SLC9A9: variants seen among roughly 807,000 people sequenced by gnomAD.
SLC9A9 encodes solute carrier family 9 member A9, also known as sodium/hydrogen exchanger 9.
In SLC9A9, 62 loss-of-function variants were observed where a neutral mutation model predicts 77.8. The ratio of observed to expected loss-of-function variants is 0.80; its 90% CI spans 0.65 to 0.98. SLC9A9 has a LOEUF of 0.98. Among genes scored for constraint, SLC9A9 ranks in the 50% least tolerant of loss-of-function variants. The probability of loss-of-function intolerance (pLI) is 0.00; values close to 1 mark genes in which losing one functional copy is unlikely to be tolerated. For missense variants in SLC9A9, 775 were observed against 774.9 expected (o/e 1.00, Z 0.00); for synonymous variants, 320 against 283.5 (o/e 1.13, Z -1.29).
chr3:143,663,562 AC>A (rs760038667), intron 5 of SLC9A9, among the ~76,000 whole-genome samples: 12 of 152,148 alleles, frequency 7.9e-5, no homozygotes, highest in Non-Finnish European at 1.8e-4. Flanking sequence ...GAAGTTAAAA[AC>A]CTTGAAAAAA....
intron 9 of SLC9A9, among the ~76,000 whole-genome samples, chr3:143,532,864 T>C (rs2036534173): frequency 6.6e-6 from 1 of 152,226 alleles, no homozygotes; most frequent in Admixed American, 6.5e-5. Flanking sequence ...CTGCCTGCAA[T>C]GCTCTCATTC....
chr3:143,725,658 T>C (rs1438819090), intron 4 of SLC9A9, among the ~76,000 whole-genome samples: 1 of 136,006 alleles, frequency 7.4e-6, no homozygotes, highest in South Asian at 2.6e-4. Flanking sequence ...ACACCGCATG[T>C]TCTCACTCAT....
intron 5 of SLC9A9, among the ~76,000 whole-genome samples, chr3:143,682,295 C>G (rs896776743): frequency 2.6e-5 from 4 of 152,132 alleles, no homozygotes; most frequent in Non-Finnish European, 4.4e-5. Context: ...TTTGAAATGA[C>G]TCTCCTAGGG....
chr3:143,279,412 CAG>C (rs1938150275), intron 14 of SLC9A9, among the ~76,000 whole-genome samples: 1 of 152,168 alleles, frequency 6.6e-6, no homozygotes, highest in Admixed American at 6.5e-5. Context: ...TGTTGGGCAT[CAG>C]ATTTTTAAAT....
At chr3:143,346,600 C>A (rs2032282023) in intron 14 of SLC9A9, among the ~76,000 whole-genome samples, 1 of 152,032 alleles carries the variant, frequency 6.6e-6, no homozygotes. Flanking sequence ...CCAGCTTGGC[C>A]AACATGGTGA....
intron 2 of SLC9A9, among the ~76,000 whole-genome samples, chr3:143,826,270 A>C (rs535492203): frequency 4.3e-4 from 66 of 151,826 alleles, no homozygotes; most frequent in Non-Finnish European, 7.9e-4. Flanking sequence ...AAAAAAAAAA[A>C]AAACCACCAT....
intron 13 of SLC9A9, among the ~76,000 whole-genome samples, chr3:143,370,031 G>A (rs1465135651): frequency 1.3e-5 from 2 of 152,186 alleles, no homozygotes; most frequent in Non-Finnish European, 2.9e-5. Flanking sequence ...CATCTTGACT[G>A]CAACCTCATG....
chr3:143,446,901 T>TGCACACATGTGTGCAC (rs2034856656), intron 12 of SLC9A9, among the ~76,000 whole-genome samples: 1 of 151,572 alleles, frequency 6.6e-6, no homozygotes, highest in Non-Finnish European at 1.5e-5. Flanking sequence ...TGTGTGTGCA[T>TGCACACATGTGTGCAC]GCACACATGT....
rs1233692177 is a variant in SLC9A9 at position 143,848,148 on chromosome 3, C to T, written c.175G>A (p.Gly59Ser). 1 of 1,613,164 alleles carries T rather than the reference C, an allele frequency of 6.2e-7. No homozygotes were observed. Among genetic ancestry groups the T allele is most frequent in the Non-Finnish European group, 8.5e-7 (1 of 1,179,286 alleles). Residue 59 changes from glycine (G) to serine (S), a missense_variant and splice_region_variant, in exon 1 of 16, where the codon GGC (glycine) becomes AGC (serine). Coordinates refer to ENST00000316549, the MANE Select transcript of SLC9A9 (RefSeq NM_173653.4). ...TCAATCTCACAATTTATGCACTCAC[C>T]ATACACCATTGCTCCTCCAGTTTCA... ...LHETGGAMVY[G>S]LIMGLILRYA...
intron 14 of SLC9A9, among the ~76,000 whole-genome samples, chr3:143,340,686 T>C (rs1365292579): frequency 6.6e-6 from 1 of 152,150 alleles, no homozygotes; most frequent in Non-Finnish European, 1.5e-5. Flanking sequence ...TCATATTGAG[T>C]TTTTGCCCTT....
chr3:143,525,215 A>G (rs1201299521), intron 9 of SLC9A9, among the ~76,000 whole-genome samples: 1 of 152,194 alleles, frequency 6.6e-6, no homozygotes, highest in Admixed American at 6.5e-5. Flanking sequence ...CTTATGTTAA[A>G]TGTTATTTCT....
intron 12 of SLC9A9, among the ~76,000 whole-genome samples, chr3:143,444,194 C>G (rs949172788): frequency 2.6e-5 from 4 of 152,212 alleles, no homozygotes; most frequent in Non-Finnish European, 5.9e-5. Flanking sequence ...GGAAATGAAG[C>G]TCAACACCCC....
chr3:143,322,729 G>C (rs939788265), intron 14 of SLC9A9, among the ~76,000 whole-genome samples: 2 of 152,166 alleles, frequency 1.3e-5, no homozygotes, highest in African/African-American at 4.8e-5. Flanking sequence ...GTATTAACTA[G>C]TATAACATAG....
chr3:143,728,880 T>C (rs9829503), intron 4 of SLC9A9, among the ~76,000 whole-genome samples: 66,671 of 151,112 alleles, frequency 0.44, 16,368 homozygotes, highest in Non-Finnish European at 0.54. Context: ...ACTGATATGG[T>C]GGAGATACAT....
chr3:143,574,700 A>G (rs1428948426), intron 7 of SLC9A9, among the ~76,000 whole-genome samples: 1 of 152,174 alleles, frequency 6.6e-6, no homozygotes, highest in Admixed American at 6.5e-5. Context: ...GAAGCTGTCC[A>G]TGCCCTCTTG....
intron 12 of SLC9A9, among the ~76,000 whole-genome samples, chr3:143,404,540 G>C (rs867497207): frequency 6.6e-6 from 1 of 151,906 alleles, no homozygotes; most frequent in Non-Finnish European, 1.5e-5. Flanking sequence ...TCTAAGTTCC[G>C]CATCTGTGCC....
chr3:143,548,077 C>T (rs769761834), intron 9 of SLC9A9, among the ~76,000 whole-genome samples: 3 of 152,170 alleles, frequency 2.0e-5, no homozygotes, highest in Non-Finnish European at 4.4e-5. Flanking sequence ...CATGTTAACG[C>T]ACAGTAAATG....
chr3:143,416,193 ACTC>A (rs1320297679), intron 12 of SLC9A9, among the ~76,000 whole-genome samples: 2 of 152,086 alleles, frequency 1.3e-5, no homozygotes, highest in African/African-American at 4.8e-5. Flanking sequence ...AGAAGGATCT[ACTC>A]CTGGTGAAGA....
At chr3:143,838,031 G>C (rs1033024553) in intron 1 of SLC9A9, among the ~76,000 whole-genome samples, 1 of 78,352 alleles carries the variant, frequency 1.3e-5, no homozygotes, top group African/African-American at 2.6e-5. Context: ...TGGACTTCCA[G>C]TTATGGGAGA....
Sources: gnomAD v4.1 joint callset for allele counts (sites outside exome capture counted in the v4.1 genomes callset) on GRCh38, gnomAD v4.1.1 for gene constraint, MANE v1.5 for transcripts, NCBI Gene and HGNC (gene_info 2026-07-23, HGNC 2026-07-21) for gene names.